The following C1QTNF3 variants were observed in gnomAD, a reference collection of about 807,000 sequenced individuals.
C1QTNF3 encodes C1q and TNF related 3.
C1QTNF3 carries 26 observed loss-of-function variants against 32.6 expected under a neutral mutation model. That is an observed-to-expected ratio of 0.80 (90% CI 0.58 to 1.11). The LOEUF is 1.11. Ranked by LOEUF, C1QTNF3 falls within the 50% of genes least tolerant of loss-of-function variation. The pLI, the probability that C1QTNF3 is intolerant of heterozygous loss-of-function variation, is 0.00. For synonymous variants in C1QTNF3, 155 were observed against 146.0 expected (o/e 1.06, Z -0.44); for missense variants, 362 against 398.2 (o/e 0.91, Z 0.77).
chr5:34,202,539 C>A, the C1QTNF3 span, among the ~76,000 whole-genome samples: 2 of 152,070 alleles, frequency 1.3e-5, no homozygotes, highest in South Asian at 2.1e-4. Context: ...TTGCATACAG[C>A]TGAAGTCCCT....
At chr5:34,023,319 T>C (rs1322434587) in intron 5 of C1QTNF3, among the ~76,000 whole-genome samples, 1 of 152,244 alleles carries the variant, frequency 6.6e-6, no homozygotes, top group Non-Finnish European at 1.5e-5. Context: ...ACTTCTAGCA[T>C]GTTAGAGTAA....
the C1QTNF3 span, among the ~76,000 whole-genome samples, chr5:34,242,264 G>C: frequency 2.0e-5 from 3 of 152,142 alleles, no homozygotes; most frequent in East Asian, 5.8e-4. Flanking sequence ...CCAATTTCCA[G>C]CTATACTATA....
At chr5:34,230,012 C>T in the C1QTNF3 span, among the ~76,000 whole-genome samples, 5 of 152,126 alleles carry the variant, frequency 3.3e-5, no homozygotes, top group Admixed American at 2.6e-4. Flanking sequence ...GAGAAGGAGG[C>T]CATCTACTAA....
the C1QTNF3 span, among the ~76,000 whole-genome samples, chr5:34,187,100 A>T: frequency 8.5e-5 from 13 of 152,428 alleles, no homozygotes; most frequent in Admixed American, 5.9e-4. Flanking sequence ...GTCTCATGAG[A>T]TCTGATGGTT....
chr5:34,104,635 A>G, the C1QTNF3 span, among the ~76,000 whole-genome samples: 1 of 101,488 alleles, frequency 9.9e-6, no homozygotes, highest in Non-Finnish European at 2.0e-5. Context: ...TCCCAGGTTC[A>G]AGTGATTCTC....
chr5:34,176,376 A>G, the C1QTNF3 span, among the ~76,000 whole-genome samples: 1 of 151,774 alleles, frequency 6.6e-6, no homozygotes. Flanking sequence ...CACAATGTGC[A>G]CATGTACCCT....
At chr5:34,035,336 C>T (rs1391534711) in intron 2 of C1QTNF3, among the ~76,000 whole-genome samples, 1 of 152,204 alleles carries the variant, frequency 6.6e-6, no homozygotes, top group Non-Finnish European at 1.5e-5. Flanking sequence ...TAGAGTCACA[C>T]AGAAGGATGC....
At chr5:34,024,927 C>T (rs1017716064) in intron 4 of C1QTNF3, among the ~76,000 whole-genome samples, 3 of 152,314 alleles carry the variant, frequency 2.0e-5, no homozygotes, top group Non-Finnish European at 4.4e-5. Flanking sequence ...AAACTAATGG[C>T]CTTTCAAGAC....
chr5:34,197,844 G>A, the C1QTNF3 span, among the ~76,000 whole-genome samples: 3 of 152,088 alleles, frequency 2.0e-5, no homozygotes, highest in Non-Finnish European at 2.9e-5. Flanking sequence ...TGAGGATTTG[G>A]TGTCTGGTCA....
At chr5:34,034,588 G>A (rs1300683697) in intron 2 of C1QTNF3, among the ~76,000 whole-genome samples, 1 of 152,158 alleles carries the variant, frequency 6.6e-6, no homozygotes, top group Non-Finnish European at 1.5e-5. Flanking sequence ...TATCATACCA[G>A]GCTTACAACC....
At chr5:34,171,108 A>T in the C1QTNF3 span, among the ~76,000 whole-genome samples, 1 of 152,054 alleles carries the variant, frequency 6.6e-6, no homozygotes. Flanking sequence ...CTTATTCTCA[A>T]ATTTTAAACC....
At chr5:34,141,704 G>A in the C1QTNF3 span, among the ~76,000 whole-genome samples, 9 of 152,108 alleles carry the variant, frequency 5.9e-5, no homozygotes, top group African/African-American at 1.4e-4. Flanking sequence ...AGTAGACAGC[G>A]GAATGGTGGT....
the C1QTNF3 span, among the ~76,000 whole-genome samples, chr5:34,159,402 A>C: frequency 6.6e-6 from 1 of 152,104 alleles, no homozygotes; most frequent in Non-Finnish European, 1.5e-5. Flanking sequence ...TATGCAAATA[A>C]GTGATTAAAA....
chr5:34,233,047 CA>C, the C1QTNF3 span, among the ~76,000 whole-genome samples: 1 of 150,646 alleles, frequency 6.6e-6, no homozygotes, highest in Admixed American at 6.7e-5. Flanking sequence ...TTTCTTCCCA[CA>C]TAAGAATAAG....
the C1QTNF3 span, among the ~76,000 whole-genome samples, chr5:34,054,078 G>T: frequency 3.3e-5 from 5 of 152,188 alleles, no homozygotes; most frequent in Admixed American, 6.5e-5. Flanking sequence ...GTGTGACCTT[G>T]AGCCTTTTGC....
the C1QTNF3 span, among the ~76,000 whole-genome samples, chr5:34,147,903 C>T: frequency 2.6e-5 from 4 of 152,228 alleles, no homozygotes; most frequent in South Asian, 2.1e-4. Context: ...CCAGCGTGAG[C>T]GACGCAGAAG....
chr5:34,045,541 T>C (rs76867052), upstream of C1QTNF3, among the ~76,000 whole-genome samples: 1 of 152,324 alleles, frequency 6.6e-6, no homozygotes, highest in African/African-American at 2.4e-5. Context: ...TTGCTTTATC[T>C]CACTGACTTC....
At chr5:34,031,346 TG>T (rs1459003739) in intron 3 of C1QTNF3, among the ~76,000 whole-genome samples, 4 of 152,232 alleles carry the variant, frequency 2.6e-5, no homozygotes, top group Admixed American at 2.6e-4. Context: ...TTGCCCAGAA[TG>T]TTCTCTATCA....
chr5:34,234,132 A>C, the C1QTNF3 span, among the ~76,000 whole-genome samples: 1 of 152,172 alleles, frequency 6.6e-6, no homozygotes, highest in Non-Finnish European at 1.5e-5. Context: ...AATGTAGTCA[A>C]AATCAACATA....
Sources: allele counts gnomAD v4.1 joint callset (sites outside exome capture counted in the v4.1 genomes callset), GRCh38; gene constraint gnomAD v4.1.1; transcripts MANE v1.5; gene names NCBI Gene and HGNC (gene_info 2026-07-23, HGNC 2026-07-21).